The following LPP variants were observed in gnomAD, a reference collection of about 807,000 sequenced individuals.
The protein encoded by LPP is lipoma-preferred partner.
LPP carries 38 observed loss-of-function variants against 60.4 expected under a neutral mutation model. The observed-to-expected ratio is 0.63, with a 90% CI of 0.49 to 0.83. LPP has a LOEUF of 0.83. Ranked by LOEUF, LPP falls within the 40% of genes least tolerant of loss-of-function variation. The pLI is 0.00. For missense variants in LPP, 902 were observed against 783.6 expected (o/e 1.15, Z -1.80); for synonymous variants, 328 against 290.8 (o/e 1.13, Z -1.30).
At chr3:188,229,270 G>C in intron 2 of LPP, among the ~76,000 whole-genome samples, 1 of 152,170 alleles carries the variant, frequency 6.6e-6, no homozygotes, top group Non-Finnish European at 1.5e-5. Flanking sequence ...TTCTTACTTT[G>C]TTAGATTAGA....
chr3:188,315,193 A>G (rs1754676570), intron 2 of LPP, among the ~76,000 whole-genome samples: 1 of 152,120 alleles, frequency 6.6e-6, no homozygotes, highest in Non-Finnish European at 1.5e-5. Flanking sequence ...TGCATGGTGT[A>G]AAATAATTTC....
intron 2 of LPP, among the ~76,000 whole-genome samples, chr3:188,255,101 A>G (rs1360247551): frequency 6.6e-6 from 1 of 152,136 alleles, no homozygotes; most frequent in African/African-American, 2.4e-5. Context: ...CAAGGCTGTG[A>G]GTTGTTTCAT....
At chr3:188,160,860 G>C (rs1718051545) in intron 1 of LPP, among the ~76,000 whole-genome samples, 1 of 152,238 alleles carries the variant, frequency 6.6e-6, no homozygotes. Context: ...ATGAGCAAAG[G>C]GCTAATGGGA....
At chr3:188,553,535 C>G (rs2150554917) in intron 6 of LPP, among the ~76,000 whole-genome samples, 1 of 152,220 alleles carries the variant, frequency 6.6e-6, no homozygotes, top group Admixed American at 6.5e-5. Flanking sequence ...TCTTTGAGAT[C>G]CCCACAAAAC....
chr3:188,445,317 G>T (rs1240756942), intron 4 of LPP, among the ~76,000 whole-genome samples: 3 of 149,992 alleles, frequency 2.0e-5, no homozygotes, highest in Non-Finnish European at 4.4e-5. Context: ...CCATAAAAAA[G>T]GATGAGTTCA....
intron 2 of LPP, among the ~76,000 whole-genome samples, chr3:188,237,497 G>A (rs192917815): frequency 9.2e-5 from 14 of 152,250 alleles, no homozygotes; most frequent in African/African-American, 3.1e-4. Flanking sequence ...CATATGAAAT[G>A]TATTTTTTTA....
intron 1 of LPP, chr3:188,180,705 T>C (rs540731225): frequency 6.6e-6 from 1 of 152,510 alleles, no homozygotes; most frequent in East Asian, 2.0e-4. Context: ...TTTATGTGCA[T>C]TTGCATTTTA....
intron 6 of LPP, among the ~76,000 whole-genome samples, chr3:188,573,359 A>G (rs1580078538): frequency 6.6e-6 from 1 of 152,200 alleles, no homozygotes; most frequent in Non-Finnish European, 1.5e-5. Context: ...AAAATAAGAG[A>G]TGAGGTTTGG....
intron 3 of LPP, among the ~76,000 whole-genome samples, chr3:188,353,887 C>T (rs769503445): frequency 6.6e-6 from 1 of 151,792 alleles, no homozygotes; most frequent in Non-Finnish European, 1.5e-5. Context: ...AATTTAGGCA[C>T]ATATGTAATA....
intron 9 of LPP, among the ~76,000 whole-genome samples, chr3:188,839,852 T>TG (rs1759477984): frequency 6.6e-6 from 1 of 152,154 alleles, no homozygotes; most frequent in Admixed American, 6.5e-5. Flanking sequence ...CACTCCAGCC[T>TG]GGCGACAGAG....
In LPP at chr3:188,805,524, A is replaced by AT. The variant is rs34665745; in HGVS notation, c.1410+45251dup. Among the ~76,000 whole-genome samples, 383 of 148,658 alleles carry AT rather than the reference A, an allele frequency of 2.6e-3. 1 individual carries two copies. The highest frequency in any genetic ancestry group is 8.6e-3 in the African/African-American group (349 of 40,508). On this transcript the variant is annotated intron_variant, in intron 9 of 11. Transcript: ENST00000617246. ...GTAAGTCTGAATAGAGTTTGTTGTG[A>AT]TTTTTTTTTCACAAAAGAATTAGCT... is the stretch of plus-strand genomic sequence containing the variant.
intron 7 of LPP, among the ~76,000 whole-genome samples, chr3:188,679,675 C>T (rs1390515066): frequency 6.6e-6 from 1 of 152,216 alleles, no homozygotes; most frequent in East Asian, 1.9e-4. Context: ...TCACTTTGTA[C>T]TTTACATCTG....
chr3:188,405,087 C>T (rs1463565468), intron 3 of LPP, among the ~76,000 whole-genome samples: 1 of 152,226 alleles, frequency 6.6e-6, no homozygotes, highest in Non-Finnish European at 1.5e-5. Context: ...ATCAGCTCAA[C>T]ATACAAGTTG....
chr3:188,731,596 C>T (rs1720630072), intron 8 of LPP, among the ~76,000 whole-genome samples: 1 of 148,878 alleles, frequency 6.7e-6, no homozygotes, highest in Non-Finnish European at 1.5e-5. Flanking sequence ...GATCTCGGCT[C>T]ACTGCAACCT....
intron 2 of LPP, among the ~76,000 whole-genome samples, chr3:188,252,365 TC>T (rs140897727): frequency 0.51 from 72,315 of 141,158 alleles, 19,030 homozygotes; most frequent in Middle Eastern, 0.61. Flanking sequence ...CGTTTTTTTT[TC>T]CTCTCTCTCT....
At chr3:188,796,893 T>A (rs916229758) in intron 9 of LPP, among the ~76,000 whole-genome samples, 3 of 152,166 alleles carry the variant, frequency 2.0e-5, no homozygotes, top group African/African-American at 7.2e-5. Flanking sequence ...TTCTTCACAA[T>A]CTTCAAAATA....
At position 188,885,928 on chromosome 3, in the gene LPP, A is replaced by G. The variant is rs1560351925; in HGVS notation, c.*11449A>G. The G allele has an allele frequency of 2.0e-5, 3 of 152,214 alleles. No homozygotes were observed. In the South Asian group the frequency reaches 6.2e-4, roughly 32 times the overall value. 9.4% of individuals were successfully genotyped at this position (152,214 alleles called of 1,614,324 possible). A position where few individuals can be genotyped will look rare whatever the true frequency, so the allele number is the denominator to read the frequency against. On this transcript the variant is annotated 3_prime_UTR_variant, in exon 12 of 12. Transcript: ENST00000617246. ...TTTTTCATGTGTTTCTTGGCTGCAT[A>G]AATGTCTTCTTTTGAGAAGTGTCTG...
chr3:188,802,472 A>G (rs1747562572), intron 9 of LPP, among the ~76,000 whole-genome samples: 1 of 152,170 alleles, frequency 6.6e-6, no homozygotes, highest in Non-Finnish European at 1.5e-5. Context: ...CATCCAGTGA[A>G]TGTCTTTTTA....
rs1404450349 is a variant in LPP, at chr3:188,609,830, C to T, written c.1099C>T (p.Pro367Ser). The change falls in exon 7 of 12, where the codon CCA (proline) becomes TCA (serine). Residue 367 changes from proline to serine, a missense_variant. Transcript: ENST00000617246. This position sits in a 1 kb window ranked among gnomAD's most constrained non-coding sequence, Gnocchi z 6.9. ...TDPVSAPCAP[P>S]LQPKGGHSGQ... The stretch of plus-strand genomic sequence containing the variant: ...TCCTGTTTCAGCCCCCTGTGCGCCA[C>T]CATTGCAGCCAAAGGTAAGAAACTC... The T allele has an allele frequency of 1.9e-6, 3 of 1,610,268 alleles. No individual in the cohort carries two copies. Among genetic ancestry groups the T allele is most frequent in the Admixed American group, 1.7e-5 (1 of 59,648 alleles).
Sources: allele counts gnomAD v4.1 joint callset (sites outside exome capture counted in the v4.1 genomes callset), GRCh38; gene constraint gnomAD v4.1.1; non-coding constraint Gnocchi (gnomAD v3.1); transcripts MANE v1.5; gene names NCBI Gene and HGNC (gene_info 2026-07-23, HGNC 2026-07-21).